The following OXR1 variants were observed in gnomAD, a reference collection of about 807,000 sequenced individuals.
OXR1 encodes oxidation resistance 1, also known as oxidation resistance protein 1.
OXR1 carries 41 observed loss-of-function variants against 104.6 expected under a neutral mutation model. The ratio of observed to expected loss-of-function variants is 0.39; its 90% CI spans 0.31 to 0.51. The LOEUF (loss-of-function observed/expected upper bound fraction) is 0.51, where lower values mean the gene tolerates loss of function less well. Among genes scored for constraint, OXR1 ranks in the 20% least tolerant of loss-of-function variants. OXR1 has a pLI of 0.77. For synonymous variants in OXR1, 348 were observed against 348.4 expected, an observed-to-expected ratio of 1.00 and a Z score of 0.01; for missense variants, 955 against 1,031.9, an observed-to-expected ratio of 0.93 and a Z score of 1.02.
intron 3 of OXR1, among the ~76,000 whole-genome samples, chr8:106,653,087 T>A (rs1245086622): frequency 9.5e-4 from 136 of 142,660 alleles, no homozygotes; most frequent in Non-Finnish European, 1.6e-3. Flanking sequence ...AAAAAAAATA[T>A]ATATATATAT....
chr8:106,726,448 C>G (rs1180650730), intron 11 of OXR1: 1 of 522,360 alleles, frequency 1.9e-6, no homozygotes, highest in East Asian at 3.4e-5. Flanking sequence ...TACAAAGTAC[C>G]TTGAAGTTGT....
At chr8:106,733,902 T>C (rs1473927049) in intron 11 of OXR1, among the ~76,000 whole-genome samples, 1 of 151,712 alleles carries the variant, frequency 6.6e-6, no homozygotes, top group African/African-American at 2.4e-5. Context: ...CCCTTTTTTT[T>C]CCTTTTCCCA....
At chr8:106,341,630 G>A (rs10283328) in intron 1 of OXR1, among the ~76,000 whole-genome samples, 51,698 of 151,842 alleles carry the variant, frequency 0.34, 11,350 homozygotes, top group African/African-American at 0.63. Flanking sequence ...AAGTTCTTCT[G>A]TCCTCTGAAA....
At chr8:106,748,873 A>G (rs548364348) in intron 16 of OXR1, among the ~76,000 whole-genome samples, 90 of 151,424 alleles carry the variant, frequency 5.9e-4, no homozygotes, top group Middle Eastern at 3.4e-3. Flanking sequence ...CCCGGCCCCA[A>G]CTCTTAAAGG....
chr8:106,447,785 G>A, intron 2 of OXR1: 1 of 785,218 alleles, frequency 1.3e-6, no homozygotes, highest in East Asian at 2.8e-5. Flanking sequence ...CTCCTTCGTT[G>A]TACACACCGA....
intron 2 of OXR1, among the ~76,000 whole-genome samples, chr8:106,399,875 A>G (rs568257983): frequency 6.6e-6 from 1 of 152,286 alleles, no homozygotes; most frequent in Non-Finnish European, 1.5e-5. Context: ...TGCTGTCTCT[A>G]TGATAAGATA....
chr8:106,526,574 G>T (rs528720447), intron 3 of OXR1, among the ~76,000 whole-genome samples: 3 of 152,170 alleles, frequency 2.0e-5, no homozygotes, highest in Non-Finnish European at 2.9e-5. Flanking sequence ...ACGGAGTCTC[G>T]CTCTGTCGCC....
intron 8 of OXR1, among the ~76,000 whole-genome samples, chr8:106,704,819 CAGCTGGA>C (rs1830985900): frequency 6.6e-6 from 1 of 152,072 alleles, no homozygotes; most frequent in Non-Finnish European, 1.5e-5. Context: ...CATTCATTGT[CAGCTGGA>C]AAGTGTCACC....
chr8:106,651,521 T>C (rs1269993131), intron 3 of OXR1, among the ~76,000 whole-genome samples: 1 of 152,168 alleles, frequency 6.6e-6, no homozygotes, highest in East Asian at 1.9e-4. Flanking sequence ...CCACTATTTT[T>C]CCCCATTAAA....
At chr8:106,437,158 G>C (rs7828387) in intron 2 of OXR1, among the ~76,000 whole-genome samples, 34,198 of 151,794 alleles carry the variant, frequency 0.23, 5,297 homozygotes, top group African/African-American at 0.42. Context: ...GTGAGACTGT[G>C]AAGCTCCTGT....
chr8:106,377,477 C>A (rs117264885), intron 2 of OXR1, among the ~76,000 whole-genome samples: 2,102 of 152,228 alleles, frequency 0.014, 23 homozygotes, highest in South Asian at 0.045. Flanking sequence ...TGAGCTATGG[C>A]GACTGACCTA....
chr8:106,462,798 T>C (rs1820979355), intron 2 of OXR1, among the ~76,000 whole-genome samples: 1 of 152,078 alleles, frequency 6.6e-6, no homozygotes, highest in Non-Finnish European at 1.5e-5. Flanking sequence ...TTTTCTCATG[T>C]GTTCAAGAGA....
chr8:106,429,659 CAAAA>C (rs55954304), intron 2 of OXR1, among the ~76,000 whole-genome samples: 2 of 94,024 alleles, frequency 2.1e-5, no homozygotes, highest in African/African-American at 3.0e-5. Context: ...GACTCTGTCT[CAAAA>C]AAAAAAAAAA....
At chr8:106,331,997 A>AGTGT (rs3073756) in intron 1 of OXR1, among the ~76,000 whole-genome samples, 9,398 of 138,046 alleles carry the variant, frequency 0.068, 280 homozygotes, top group Non-Finnish European at 0.086. Flanking sequence ...GAAAGAACAT[A>AGTGT]GTGTGTGTGT....
chr8:106,357,664 T>C (rs1012803988), intron 1 of OXR1, among the ~76,000 whole-genome samples: 9 of 152,144 alleles, frequency 5.9e-5, no homozygotes, highest in African/African-American at 1.9e-4. Context: ...ATTTTATTAA[T>C]CCTTGTATCA....
intron 2 of OXR1, among the ~76,000 whole-genome samples, chr8:106,420,738 G>C (rs1332433892): frequency 6.6e-6 from 1 of 151,672 alleles, no homozygotes; most frequent in East Asian, 1.9e-4. Flanking sequence ...TATTGTGTGT[G>C]TGTGTGTGTG....
At chr8:106,315,267 A>G (rs1813881692) in intron 1 of OXR1, among the ~76,000 whole-genome samples, 1 of 152,110 alleles carries the variant, frequency 6.6e-6, no homozygotes, top group Non-Finnish European at 1.5e-5. Flanking sequence ...GATTGTTGTA[A>G]ATATTAAATG....
intron 6 of OXR1, among the ~76,000 whole-genome samples, chr8:106,687,886 T>C (rs1828894200): frequency 6.6e-6 from 1 of 152,172 alleles, no homozygotes; most frequent in South Asian, 2.1e-4. Flanking sequence ...TGGGCTTGGT[T>C]CGGAGCCCAT....
At chr8:106,392,663 T>C (rs1817630149) in intron 2 of OXR1, among the ~76,000 whole-genome samples, 1 of 152,184 alleles carries the variant, frequency 6.6e-6, no homozygotes, top group South Asian at 2.1e-4. Flanking sequence ...TTTCATATTC[T>C]TTAACCAAGA....
Sources: gnomAD v4.1 joint callset for allele counts (sites outside exome capture counted in the v4.1 genomes callset) on GRCh38, gnomAD v4.1.1 for gene constraint, MANE v1.5 for transcripts, NCBI Gene and HGNC (gene_info 2026-07-23, HGNC 2026-07-21) for gene names.